The following COG5 variants were observed in gnomAD, a reference collection of about 807,000 sequenced individuals.
The protein encoded by COG5 is conserved oligomeric Golgi complex subunit 5.
Under a neutral mutation model 110.4 loss-of-function variants are expected in COG5, and 86 were observed. That is an observed-to-expected ratio of 0.78 (90% CI 0.65 to 0.93). COG5 has a LOEUF of 0.93. Among genes scored for constraint, COG5 ranks in the 40% least tolerant of loss-of-function variants. The pLI is 0.00. For synonymous variants in COG5, 360 were observed against 334.6 expected, an observed-to-expected ratio of 1.08 and a Z score of -0.83; for missense variants, 1,077 against 987.0, an observed-to-expected ratio of 1.09 and a Z score of -1.22.
At chr7:107,480,155 A>G (rs377306379) in intron 6 of COG5, among the ~76,000 whole-genome samples, 2 of 152,168 alleles carry the variant, frequency 1.3e-5, no homozygotes, top group East Asian at 3.8e-4. Flanking sequence ...TTTCAAAATC[A>G]TGTTAGAAAA....
chr7:107,410,258 C>A (rs1172751923), intron 7 of COG5, among the ~76,000 whole-genome samples: 4 of 152,078 alleles, frequency 2.6e-5, no homozygotes, highest in Non-Finnish European at 5.9e-5. Context: ...CCCATCAATT[C>A]TGATGCATGG....
intron 7 of COG5, among the ~76,000 whole-genome samples, chr7:107,386,559 T>C (rs1790215805): frequency 6.6e-6 from 1 of 151,984 alleles, no homozygotes; most frequent in South Asian, 2.1e-4. Context: ...TCTCCAAGTT[T>C]GGGGGGGATT....
At chr7:107,447,934 T>A (rs543846729) in intron 6 of COG5, among the ~76,000 whole-genome samples, 1 of 152,306 alleles carries the variant, frequency 6.6e-6, no homozygotes, top group Non-Finnish European at 1.5e-5. Flanking sequence ...GGTGGGTGGA[T>A]CACCTGAGTT....
rs192945438 is a variant in COG5, at chr7:107,402,840, A to G, written c.669+9662T>C. On this transcript the variant is annotated intron_variant, in intron 7 of 21. Transcript: ENST00000297135. ...TGCTCTACATCACCAGTCCTTCCAA[A>G]TTTTTCCAAAGAAAATGGTAGTGAT... is the stretch of plus-strand genomic sequence containing the variant. Among the ~76,000 whole-genome samples, 10 of 152,294 alleles carry G rather than the reference A, an allele frequency of 6.6e-5. No homozygotes were observed. The East Asian group carries it at 1.9e-3, about 29-fold the overall frequency.
chr7:107,295,060 CACACACATATATATAT>C (rs1386693109), intron 12 of COG5, among the ~76,000 whole-genome samples: 4 of 56,390 alleles, frequency 7.1e-5, no homozygotes, highest in African/African-American at 5.2e-4. Context: ...CACACACACA[CACACACATATATATAT>C]ATATATATAT....
chr7:107,367,665 C>A (rs1407249461), intron 8 of COG5, among the ~76,000 whole-genome samples: 2 of 151,976 alleles, frequency 1.3e-5, no homozygotes, highest in African/African-American at 4.8e-5. Context: ...GGCCATTATT[C>A]TAAGTGAAGT....
chr7:107,413,306 A>T (rs1792447888), intron 6 of COG5, among the ~76,000 whole-genome samples: 1 of 151,988 alleles, frequency 6.6e-6, no homozygotes, highest in African/African-American at 2.4e-5. Flanking sequence ...TTTAAAAGCA[A>T]AAAAGTGGCC....
intron 11 of COG5, among the ~76,000 whole-genome samples, chr7:107,308,768 G>C (rs1807946749): frequency 6.6e-6 from 1 of 150,890 alleles, no homozygotes; most frequent in African/African-American, 2.4e-5. Flanking sequence ...TTCTTTATTT[G>C]TATCACTATG....
chr7:107,415,775 C>T (rs758203506), intron 6 of COG5, among the ~76,000 whole-genome samples: 5 of 122,918 alleles, frequency 4.1e-5, no homozygotes, highest in African/African-American at 1.5e-4. Context: ...TGTATATATA[C>T]ACACACATAC....
At chr7:107,261,975 T>C (rs1216682291) in intron 14 of COG5, among the ~76,000 whole-genome samples, 4 of 151,864 alleles carry the variant, frequency 2.6e-5, no homozygotes, top group Non-Finnish European at 5.9e-5. Context: ...ACTGCAACCT[T>C]CACCTACTGG....
chr7:107,449,777 T>TA (rs553294690), intron 6 of COG5, among the ~76,000 whole-genome samples: 5 of 152,116 alleles, frequency 3.3e-5, no homozygotes, highest in South Asian at 4.1e-4. Flanking sequence ...AGGACCACTG[T>TA]AAAAAAAGAA....
chr7:107,398,661 ATTC>A (rs1259448429), intron 7 of COG5, among the ~76,000 whole-genome samples: 4 of 152,260 alleles, frequency 2.6e-5, no homozygotes, highest in African/African-American at 9.6e-5. Flanking sequence ...AAAATGGATC[ATTC>A]TAAATAAAAG....
intron 19 of COG5, among the ~76,000 whole-genome samples, chr7:107,225,760 C>T (rs1036562116): frequency 3.3e-5 from 5 of 152,120 alleles, no homozygotes; most frequent in African/African-American, 7.2e-5. Flanking sequence ...TAGTAGAGGT[C>T]GGCTGGGCAT....
At chr7:107,284,939 T>C (rs145165516) in intron 12 of COG5, among the ~76,000 whole-genome samples, 1 of 152,200 alleles carries the variant, frequency 6.6e-6, no homozygotes, top group African/African-American at 2.4e-5. Flanking sequence ...AACCTGCTCC[T>C]TCATGTATAT....
chr7:107,452,489 G>T (rs560041375), intron 6 of COG5, among the ~76,000 whole-genome samples: 1 of 152,046 alleles, frequency 6.6e-6, no homozygotes, highest in Non-Finnish European at 1.5e-5. Flanking sequence ...TCGTGGCAGC[G>T]GGTCTTTCCC....
At chr7:107,526,755 G>A (rs1800783612) in intron 6 of COG5, among the ~76,000 whole-genome samples, 2 of 152,082 alleles carry the variant, frequency 1.3e-5, no homozygotes, top group South Asian at 4.1e-4. Flanking sequence ...AAATCTCAAA[G>A]GTATTATTTT....
intron 6 of COG5, among the ~76,000 whole-genome samples, chr7:107,427,983 G>T (rs1472601124): frequency 6.6e-6 from 1 of 152,076 alleles, no homozygotes; most frequent in African/African-American, 2.4e-5. Flanking sequence ...CTCAGAATGG[G>T]AAGTGCGTGC....
intron 14 of COG5, among the ~76,000 whole-genome samples, chr7:107,263,820 C>A (rs982547260): frequency 6.6e-6 from 1 of 152,114 alleles, no homozygotes; most frequent in Non-Finnish European, 1.5e-5. Flanking sequence ...AACTACATAG[C>A]TATAATAACA....
intron 14 of COG5, among the ~76,000 whole-genome samples, chr7:107,264,572 G>C (rs1194062271): frequency 6.6e-6 from 1 of 151,806 alleles, no homozygotes; most frequent in African/African-American, 2.4e-5. Context: ...CGCGCCTGTA[G>C]GTCCCAGCTA....
Sources: allele counts gnomAD v4.1 joint callset (sites outside exome capture counted in the v4.1 genomes callset), GRCh38; gene constraint gnomAD v4.1.1; transcripts MANE v1.5; gene names NCBI Gene and HGNC (gene_info 2026-07-23, HGNC 2026-07-21).